PDE1C: variants seen among roughly 807,000 people sequenced by gnomAD.
PDE1C encodes the protein phosphodiesterase 1C.
PDE1C carries 62 observed loss-of-function variants against 93.1 expected under a neutral mutation model. The observed-to-expected ratio is 0.67, with a 90% CI of 0.54 to 0.82. PDE1C has a LOEUF of 0.82. Ranked by LOEUF, PDE1C falls within the 40% of genes least tolerant of loss-of-function variation. The pLI is 0.00. For missense variants in PDE1C, 742 were observed against 884.6 expected (o/e 0.84, Z 2.04); for synonymous variants, 325 against 310.1 (o/e 1.05, Z -0.50).
chr7:32,255,980 T>C (rs1406073942), intron 1 of PDE1C, among the ~76,000 whole-genome samples: 1 of 152,154 alleles, frequency 6.6e-6, no homozygotes, highest in Non-Finnish European at 1.5e-5. Flanking sequence ...CTGCAGCAAC[T>C]GTGTGCAGGG....
chr7:32,417,765 T>C (rs215748), intron 1 of PDE1C, among the ~76,000 whole-genome samples: 91,842 of 151,772 alleles, frequency 0.61, 28,976 homozygotes, highest in Non-Finnish European at 0.71. Flanking sequence ...GATGATCTTT[T>C]AGGCGCTTTC....
chr7:31,909,537 T>C (rs916896550), intron 2 of PDE1C, among the ~76,000 whole-genome samples: 2 of 152,102 alleles, frequency 1.3e-5, no homozygotes, highest in African/African-American at 4.8e-5. Context: ...CTCTATGAGA[T>C]GTCATGCCAG....
intron 3 of PDE1C, among the ~76,000 whole-genome samples, chr7:32,119,869 T>G (rs1799199492): frequency 6.6e-6 from 1 of 152,216 alleles, no homozygotes; most frequent in African/African-American, 2.4e-5. Context: ...GCCAGCCAAG[T>G]TTCCCGGGGG....
intron 17 of PDE1C, among the ~76,000 whole-genome samples, chr7:31,756,302 CT>C: frequency 6.6e-6 from 1 of 152,260 alleles, no homozygotes; most frequent in Middle Eastern, 3.4e-3. Flanking sequence ...GAAAATAGAA[CT>C]TTACTTCTGG....
At chr7:32,232,102 A>G (rs527751999) in intron 1 of PDE1C, among the ~76,000 whole-genome samples, 1 of 152,200 alleles carries the variant, frequency 6.6e-6, no homozygotes, top group East Asian at 1.9e-4. Flanking sequence ...TGGAACACCT[A>G]TTTGAGGATG....
chr7:32,183,839 G>T (rs1803633076), intron 2 of PDE1C, among the ~76,000 whole-genome samples: 2 of 152,176 alleles, frequency 1.3e-5, no homozygotes, highest in African/African-American at 4.8e-5. Context: ...CACAGCAAAA[G>T]AAACTACCAT....
At chr7:31,663,106 G>A in the PDE1C span, among the ~76,000 whole-genome samples, 1 of 152,108 alleles carries the variant, frequency 6.6e-6, no homozygotes, top group Non-Finnish European at 1.5e-5. Flanking sequence ...CCTCTATCCA[G>A]CTATTACCCG....
At position 31,927,207 on chromosome 7, in the gene PDE1C, G is replaced by A. The variant is rs148613393; in HGVS notation, c.129-46347C>T. On this transcript the variant is annotated intron_variant, in intron 2 of 17. Coordinates refer to ENST00000396191, the MANE Select transcript of PDE1C (RefSeq NM_001191057.4). ...TAACTCTGACTGTGTGGAACTCACC[G>A]CAGTGTGGCAAAGGTCCTGGGGCTG... Among the ~76,000 whole-genome samples, 344 of 152,248 alleles carry A rather than the reference G, an allele frequency of 2.3e-3. 1 individual carries two copies. The highest frequency in any genetic ancestry group is 8.1e-3 in the African/African-American group (335 of 41,580).
chr7:32,111,144 T>C (rs1798617656), intron 3 of PDE1C, among the ~76,000 whole-genome samples: 1 of 152,042 alleles, frequency 6.6e-6, no homozygotes, highest in Non-Finnish European at 1.5e-5. Context: ...AAGGGCATTT[T>C]CCAAATCAGG....
intron 1 of PDE1C, among the ~76,000 whole-genome samples, chr7:32,215,501 C>T (rs1806362935): frequency 6.6e-6 from 1 of 152,126 alleles, no homozygotes; most frequent in Non-Finnish European, 1.5e-5. Context: ...GGTTTTCCCT[C>T]CCAAAAATTG....
intron 3 of PDE1C, among the ~76,000 whole-genome samples, chr7:32,117,413 C>T (rs1799043771): frequency 6.6e-6 from 1 of 152,168 alleles, no homozygotes; most frequent in Admixed American, 6.5e-5. Flanking sequence ...ATGTGTTAGG[C>T]TCTTCTATAG....
intron 1 of PDE1C, among the ~76,000 whole-genome samples, chr7:32,338,513 C>T (rs890820004): frequency 6.6e-6 from 1 of 152,112 alleles, no homozygotes; most frequent in Non-Finnish European, 1.5e-5. Flanking sequence ...ATGTAGAAAA[C>T]TGGAGCTCTT....
At chr7:31,946,462 A>C (rs1157285436) in intron 2 of PDE1C, among the ~76,000 whole-genome samples, 2 of 152,186 alleles carry the variant, frequency 1.3e-5, no homozygotes, top group African/African-American at 4.8e-5. Context: ...GTCTAGACTT[A>C]CTGGCTCCTT....
At chr7:32,166,541 G>A (rs1802285152) in intron 3 of PDE1C, among the ~76,000 whole-genome samples, 1 of 152,170 alleles carries the variant, frequency 6.6e-6, no homozygotes, top group African/African-American at 2.4e-5. Flanking sequence ...GGGGATAAGA[G>A]GGAAGACTGT....
At position 32,068,809 on chromosome 7, in the gene PDE1C, C is replaced by T. The variant is rs142791564; in HGVS notation, c.101+1484G>A. ...GTGTATGGATATGAATCCCTCTAGT[C>T]AGCATGGCAAGGAATCCAGCTCGAC... is the stretch of plus-strand genomic sequence containing the variant. On this transcript the variant is annotated intron_variant, in intron 1 of 17. Coordinates refer to ENST00000396191, the MANE Select transcript of PDE1C (RefSeq NM_001191057.4). Among the ~76,000 whole-genome samples the T allele has an allele frequency of 2.4e-3, 372 of 152,322 alleles. 4 individuals carry two copies. The highest frequency in any genetic ancestry group is 8.1e-3 in the African/African-American group (336 of 41,562).
chr7:32,319,372 G>C (rs1441754169), intron 1 of PDE1C, among the ~76,000 whole-genome samples: 1 of 152,172 alleles, frequency 6.6e-6, no homozygotes, highest in Non-Finnish European at 1.5e-5. Flanking sequence ...GATGGCATCT[G>C]TGCCCTTGGG....
At chr7:32,124,168 AAGG>A (rs1156954850) in intron 3 of PDE1C, among the ~76,000 whole-genome samples, 1 of 152,182 alleles carries the variant, frequency 6.6e-6, no homozygotes, top group Non-Finnish European at 1.5e-5. Context: ...GGACTTCTTC[AAGG>A]AGAACTACAA....
At chr7:31,742,473 C>T in the PDE1C span, among the ~76,000 whole-genome samples, 3 of 152,176 alleles carry the variant, frequency 2.0e-5, no homozygotes, top group Non-Finnish European at 4.4e-5. Context: ...GAGGCTGAGG[C>T]GGGAGGATCC....
At chr7:32,318,538 G>GT (rs1170034419) in intron 1 of PDE1C, among the ~76,000 whole-genome samples, 1 of 152,192 alleles carries the variant, frequency 6.6e-6, no homozygotes, top group Non-Finnish European at 1.5e-5. Flanking sequence ...ACACAAAAGG[G>GT]TGTGGTGGCC....
Sources: gnomAD v4.1 joint callset for allele counts (sites outside exome capture counted in the v4.1 genomes callset) on GRCh38, gnomAD v4.1.1 for gene constraint, MANE v1.5 for transcripts, NCBI Gene and HGNC (gene_info 2026-07-23, HGNC 2026-07-21) for gene names.